The following FAM228B variants were observed in gnomAD, a reference collection of about 807,000 sequenced individuals.
FAM228B encodes the protein protein FAM228B.
FAM228B carries 38 observed loss-of-function variants against 42.6 expected under a neutral mutation model. The ratio of observed to expected loss-of-function variants is 0.89; its 90% CI spans 0.69 to 1.17. The LOEUF is 1.17. Ranked by LOEUF, FAM228B falls within the 50% of genes most tolerant of loss-of-function variation. The pLI is 0.00. For missense variants in FAM228B, 344 were observed against 367.3 expected (o/e 0.94, Z 0.52); for synonymous variants, 109 against 122.3 (o/e 0.89, Z 0.72).
chr2:24,140,089 T>C (rs1226113382), intron 5 of FAM228B, among the ~76,000 whole-genome samples: 2 of 152,188 alleles, frequency 1.3e-5, no homozygotes, highest in African/African-American at 4.8e-5. Flanking sequence ...TGCTACTGTG[T>C]GAGGTAAGTC....
chr2:24,108,900 C>CA (rs138273554), intron 3 of FAM228B, among the ~76,000 whole-genome samples: 22,571 of 79,490 alleles, frequency 0.28, 2,204 homozygotes, highest in Admixed American at 0.41. Context: ...GAGTCCGTCT[C>CA]AAAAAAAAAA....
intron 5 of FAM228B, 116 bp downstream of exon 5, chr2:24,139,566 T>G (rs17046125): frequency 2.8e-5 from 14 of 499,906 alleles, no homozygotes; most frequent in Non-Finnish European, 3.9e-5. Flanking sequence ...ATTTTAAGCA[T>G]AGTTTCCCAT....
intron 2 of FAM228B, among the ~76,000 whole-genome samples, chr2:24,130,665 A>G (rs1262701945): frequency 6.6e-6 from 1 of 151,388 alleles, no homozygotes; most frequent in Non-Finnish European, 1.5e-5. Context: ...TTTTCTTGTA[A>G]ACTTGTTTGT....
At chr2:24,158,366 C>A (rs1292074501) in intron 7 of FAM228B, among the ~76,000 whole-genome samples, 1 of 152,018 alleles carries the variant, frequency 6.6e-6, no homozygotes, top group Non-Finnish European at 1.5e-5. Context: ...ACACAGTTTG[C>A]ACCTGTTTAC....
At chr2:24,151,995 A>T (rs1315044148) in intron 7 of FAM228B, among the ~76,000 whole-genome samples, 4 of 152,022 alleles carry the variant, frequency 2.6e-5, no homozygotes, top group African/African-American at 9.7e-5. Context: ...CAGCCTCCCG[A>T]GTAGCTGGGA....
intron 7 of FAM228B, among the ~76,000 whole-genome samples, chr2:24,154,220 A>G (rs894068250): frequency 1.3e-5 from 2 of 152,260 alleles, no homozygotes; most frequent in Admixed American, 6.5e-5. Flanking sequence ...GTGTGCAGAT[A>G]GATGTTCAAA....
chr2:24,156,266 C>A (rs190206987), intron 7 of FAM228B, among the ~76,000 whole-genome samples: 1 of 152,288 alleles, frequency 6.6e-6, no homozygotes, highest in African/African-American at 2.4e-5. Flanking sequence ...CAGGGTTCTT[C>A]TTTATTGCTC....
At chr2:24,089,033 T>G (rs1307664768) in intron 2 of FAM228B, among the ~76,000 whole-genome samples, 1 of 152,192 alleles carries the variant, frequency 6.6e-6, no homozygotes, top group East Asian at 1.9e-4. Context: ...TTATATTTAG[T>G]AGAAATGTAT....
intron 2 of FAM228B, among the ~76,000 whole-genome samples, chr2:24,090,351 G>T (rs937371066): frequency 3.3e-5 from 5 of 151,992 alleles, no homozygotes; most frequent in African/African-American, 1.2e-4. Flanking sequence ...AGAGGCCAAG[G>T]GGGGAGCAGA....
intron 7 of FAM228B, among the ~76,000 whole-genome samples, chr2:24,149,452 T>A (rs1666975507): frequency 6.6e-6 from 1 of 152,230 alleles, no homozygotes; most frequent in Non-Finnish European, 1.5e-5. Context: ...ATTGTAGTTT[T>A]TTTTTCTTCT....
chr2:24,108,302 C>G (rs1665731432), intron 3 of FAM228B, among the ~76,000 whole-genome samples: 1 of 151,990 alleles, frequency 6.6e-6, no homozygotes, highest in Non-Finnish European at 1.5e-5. Flanking sequence ...CCAAAACAAA[C>G]AAACAAACAA....
chr2:24,083,683 G>A (rs554780194), intron 2 of FAM228B, among the ~76,000 whole-genome samples: 7 of 152,206 alleles, frequency 4.6e-5, no homozygotes, highest in Non-Finnish European at 1.0e-4. Flanking sequence ...GCCCAGGTCA[G>A]TAAATCAGCA....
rs562043348 is a variant in FAM228B, at chr2:24,113,153, A to T, written c.-121+17924A>T. Among the ~76,000 whole-genome samples the T allele has an allele frequency of 3.3e-5, 5 of 152,274 alleles. No homozygotes were observed. The South Asian group carries it at 1.0e-3, about 32-fold the overall frequency. ...TGTTGTATCATTACTACCTAGCACA[A>T]AGCCGACTATGTGCTAGGTAGTGGT... On this transcript the variant is annotated intron_variant, in intron 3 of 10. Coordinates refer to the FAM228B transcript ENST00000613899.
At chr2:24,144,162 C>T (rs373733659) in intron 5 of FAM228B, among the ~76,000 whole-genome samples, 120 of 152,220 alleles carry the variant, frequency 7.9e-4, no homozygotes, top group African/African-American at 2.9e-3. Context: ...AAAATTTGGT[C>T]TGGGCATGGT....
chr2:24,136,370 C>T (rs1666587756), intron 3 of FAM228B, among the ~76,000 whole-genome samples: 2 of 152,144 alleles, frequency 1.3e-5, no homozygotes, highest in South Asian at 2.1e-4. Flanking sequence ...ATTATAGGCA[C>T]GTGCCAGCAT....
At chr2:24,113,485 G>T (rs1013787636) in intron 3 of FAM228B, among the ~76,000 whole-genome samples, 1 of 152,118 alleles carries the variant, frequency 6.6e-6, no homozygotes, top group Non-Finnish European at 1.5e-5. Context: ...TGGAAGCATC[G>T]CTTGAGCTTA....
At chr2:24,161,067 G>T (rs946906558) in intron 7 of FAM228B, among the ~76,000 whole-genome samples, 5 of 152,210 alleles carry the variant, frequency 3.3e-5, no homozygotes, top group Admixed American at 1.3e-4. Flanking sequence ...ATACCAGTTG[G>T]AATAATGATG....
intron 3 of FAM228B, among the ~76,000 whole-genome samples, chr2:24,113,965 A>G (rs188339480): frequency 1.3e-5 from 2 of 152,286 alleles, no homozygotes; most frequent in South Asian, 2.1e-4. Context: ...GCTACCAATC[A>G]AAAACTAAAA....
intron 3 of FAM228B, among the ~76,000 whole-genome samples, chr2:24,100,467 C>T (rs190672248): frequency 1.3e-3 from 191 of 152,330 alleles, no homozygotes; most frequent in African/African-American, 4.4e-3. Flanking sequence ...TGAACAGACA[C>T]TTCTCAAAAG....
Sources: gnomAD v4.1 joint callset for allele counts (sites outside exome capture counted in the v4.1 genomes callset) on GRCh38, gnomAD v4.1.1 for gene constraint, MANE v1.5 for transcripts, NCBI Gene and HGNC (gene_info 2026-07-23, HGNC 2026-07-21) for gene names.